TMCO4: variants seen among roughly 807,000 people sequenced by gnomAD.
TMCO4 encodes the protein transmembrane and coiled-coil domains 4, also known as transmembrane and coiled-coil domain-containing protein 4.
In TMCO4, 58 loss-of-function variants were observed where a neutral mutation model predicts 64.7. The observed-to-expected ratio is 0.90, with a 90% CI of 0.73 to 1.12. The LOEUF is 1.12. Ranked by LOEUF, TMCO4 falls within the 50% of genes most tolerant of loss-of-function variation. The probability of loss-of-function intolerance (pLI) is 0.00; values close to 1 mark genes in which losing one functional copy is unlikely to be tolerated. For synonymous variants in TMCO4, 325 were observed against 346.1 expected (o/e 0.94, Z 0.68); for missense variants, 780 against 825.9 (o/e 0.94, Z 0.68).
intron 2 of TMCO4, among the ~76,000 whole-genome samples, chr1:19,797,049 A>G (rs185550353): frequency 1.2e-4 from 18 of 152,310 alleles, no homozygotes; most frequent in Non-Finnish European, 2.2e-4. Context: ...TGCTGAATGA[A>G]ACAACCCACA....
At position 19,796,795 on chromosome 1, in the gene TMCO4, A is replaced by G. The variant is rs994034833; in HGVS notation, c.-101+1342T>C. ...TCACCATGTTGGCCAGGATGGTCTCAATCTCTTGACCTCGTAATCTGCCCT... is the reference window on the plus strand; with the variant it reads ...TCACCATGTTGGCCAGGATGGTCTCGATCTCTTGACCTCGTAATCTGCCCT... On this transcript the variant is annotated intron_variant, in intron 2 of 15. Coordinates refer to ENST00000294543, the MANE Select transcript of TMCO4 (RefSeq NM_181719.7). Among the ~76,000 whole-genome samples, 6 of 152,220 alleles carry G rather than the reference A, an allele frequency of 3.9e-5. No individual in the cohort carries two copies. The East Asian group carries it at 7.7e-4, about 20-fold the overall frequency.
chr1:19,704,032 T>C (rs2100639464), intron 13 of TMCO4, among the ~76,000 whole-genome samples: 1 of 152,178 alleles, frequency 6.6e-6, no homozygotes, highest in African/African-American at 2.4e-5. Flanking sequence ...CTAACCAGAG[T>C]GCTTTCAGTG....
intron 2 of TMCO4, among the ~76,000 whole-genome samples, chr1:19,787,515 C>T (rs1457572194): frequency 6.6e-6 from 1 of 152,168 alleles, no homozygotes. Context: ...GTTACATGAA[C>T]CGAGGAATGA....
chr1:19,713,188 T>A (rs927858325), intron 13 of TMCO4, among the ~76,000 whole-genome samples: 1 of 152,064 alleles, frequency 6.6e-6, no homozygotes, highest in East Asian at 1.9e-4. Flanking sequence ...CACTTCTTGA[T>A]GGGAGGGGTT....
At chr1:19,738,967 C>T (rs1025882458) in intron 12 of TMCO4, among the ~76,000 whole-genome samples, 7 of 152,200 alleles carry the variant, frequency 4.6e-5, no homozygotes, top group African/African-American at 1.2e-4. Flanking sequence ...CCCTGGAGCT[C>T]GGATGATGCC....
chr1:19,713,042 A>G (rs1220507344), intron 13 of TMCO4, among the ~76,000 whole-genome samples: 2 of 152,112 alleles, frequency 1.3e-5, no homozygotes, highest in Non-Finnish European at 2.9e-5. Flanking sequence ...GTGAGGTTCT[A>G]GGAGAGAGTG....
At chr1:19,713,671 C>A (rs2095342207) in intron 13 of TMCO4, among the ~76,000 whole-genome samples, 1 of 151,928 alleles carries the variant, frequency 6.6e-6, no homozygotes, top group Non-Finnish European at 1.5e-5. Context: ...TGCACTCCAG[C>A]CTGGATGACA....
At chr1:19,742,277 C>T (rs891162084) in intron 10 of TMCO4, among the ~76,000 whole-genome samples, 1 of 152,224 alleles carries the variant, frequency 6.6e-6, no homozygotes, top group Non-Finnish European at 1.5e-5. Flanking sequence ...TCCTGTTTGA[C>T]GTGTGCCTCT....
intron 9 of TMCO4, 130 bp from the exon 10 acceptor site, chr1:19,745,781 T>TAGGTGCCC: frequency 7.8e-7 from 1 of 1,277,066 alleles, no homozygotes; most frequent in Non-Finnish European, 1.1e-6. Flanking sequence ...AAAACACATT[T>TAGGTGCCC]TGTGTTTGAA....
At chr1:19,798,919 C>T (rs2044467030) in intron 1 of TMCO4, among the ~76,000 whole-genome samples, 6 of 152,218 alleles carry the variant, frequency 3.9e-5, no homozygotes, top group Admixed American at 3.9e-4. Context: ...ATATTTTCTG[C>T]AATGAACACT....
At chr1:19,783,170 G>A (rs184099971) in intron 3 of TMCO4, among the ~76,000 whole-genome samples, 1 of 152,218 alleles carries the variant, frequency 6.6e-6, no homozygotes, top group East Asian at 1.9e-4. Context: ...GGGCACTGGG[G>A]TTGCAATTTT....
intron 10 of TMCO4, 116 bp from the exon 11 acceptor site, chr1:19,741,057 C>A: frequency 9.2e-7 from 1 of 1,090,004 alleles, no homozygotes; most frequent in Non-Finnish European, 1.3e-6. Flanking sequence ...GACAAGAGGC[C>A]CACCCCCTGC....
At chr1:19,779,265 G>A (rs933770253) in intron 4 of TMCO4, among the ~76,000 whole-genome samples, 1 of 152,118 alleles carries the variant, frequency 6.6e-6, no homozygotes, top group African/African-American at 2.4e-5. Flanking sequence ...TGAACCTTTG[G>A]AGCCATAGTG....
In TMCO4 at chr1:19,793,918, G is replaced by A. The variant is rs538319288; in HGVS notation, c.-101+4219C>T. On this transcript the variant is annotated intron_variant, in intron 2 of 15. Coordinates refer to ENST00000294543, the MANE Select transcript of TMCO4 (RefSeq NM_181719.7). The stretch of plus-strand genomic sequence containing the variant: ...CAGCTGTTCAAGCACAGCACCCAGA[G>A]AGTGCCATCTCAGAGTCAGGCCATG... 3.9e-5 allele frequency among the ~76,000 whole-genome samples: 6 copies of A among 152,210 alleles called. No individual in the cohort carries two copies. The East Asian group carries it at 1.2e-3, about 29-fold the overall frequency.
intron 2 of TMCO4, among the ~76,000 whole-genome samples, chr1:19,796,809 G>A (rs1050980750): frequency 6.6e-6 from 1 of 152,114 alleles, no homozygotes; most frequent in South Asian, 2.1e-4. Context: ...TCTTGACCTC[G>A]TAATCTGCCC....
At chr1:19,775,784 A>G (rs1050175635) in intron 4 of TMCO4, among the ~76,000 whole-genome samples, 1 of 152,244 alleles carries the variant, frequency 6.6e-6, no homozygotes, top group African/African-American at 2.4e-5. Flanking sequence ...AGCATGGAAA[A>G]GAAATAAATG....
intron 12 of TMCO4, among the ~76,000 whole-genome samples, 179 bp downstream of exon 12, chr1:19,739,645 T>C (rs2095470159): frequency 6.6e-6 from 1 of 152,208 alleles, no homozygotes; most frequent in African/African-American, 2.4e-5. Flanking sequence ...TAATTTTTAC[T>C]GTTCATCCTA....
At chr1:19,753,285 G>A (rs2042101329) in intron 7 of TMCO4, among the ~76,000 whole-genome samples, 1 of 152,142 alleles carries the variant, frequency 6.6e-6, no homozygotes, top group Non-Finnish European at 1.5e-5. Context: ...AACCCCAGCA[G>A]CTCATGAGCT....
intron 3 of TMCO4, among the ~76,000 whole-genome samples, chr1:19,781,645 T>C (rs1026638524): frequency 1.3e-5 from 2 of 150,136 alleles, no homozygotes; most frequent in African/African-American, 2.4e-5. Flanking sequence ...AACTTTCTTT[T>C]TTTTTTTTTT....
Sources: gnomAD v4.1 joint callset for allele counts (sites outside exome capture counted in the v4.1 genomes callset) on GRCh38, gnomAD v4.1.1 for gene constraint, MANE v1.5 for transcripts, NCBI Gene and HGNC (gene_info 2026-07-23, HGNC 2026-07-21) for gene names.